Variants in RIC1 observed in about 807,000 individuals in gnomAD.
The protein encoded by RIC1 is RIC1 partner of RAB6A GEF complex.
Under a neutral mutation model 169.0 loss-of-function variants are expected in RIC1, and 88 were observed. The observed-to-expected ratio is 0.52, with a 90% CI of 0.44 to 0.62. The LOEUF is 0.62. Among genes scored for constraint, RIC1 ranks in the 20% least tolerant of loss-of-function variants. The pLI is 0.00. For missense variants in RIC1, 1,877 were observed against 1,725.5 expected, an observed-to-expected ratio of 1.09 and a Z score of -1.56; for synonymous variants, 790 against 601.5, an observed-to-expected ratio of 1.31 and a Z score of -4.59.
At chr9:5,672,093 G>T (rs1416026688) in intron 2 of RIC1, among the ~76,000 whole-genome samples, 2 of 152,210 alleles carry the variant, frequency 1.3e-5, no homozygotes, top group Non-Finnish European at 2.9e-5. Flanking sequence ...CAGAGACAGT[G>T]CCTGAGAGGA....
At chr9:5,753,426 T>C (rs141134219) in intron 13 of RIC1, 110 bp from the exon 14 acceptor site, 2 of 819,050 alleles carry the variant, frequency 2.4e-6, no homozygotes, top group African/African-American at 1.7e-5. Flanking sequence ...AAATATTTAA[T>C]TAGCAAACAT....
intron 25 of RIC1, 183 bp downstream of exon 25, chr9:5,773,263 G>A (rs1827354362): frequency 4.3e-6 from 1 of 232,952 alleles, no homozygotes; most frequent in African/African-American, 2.3e-5. Flanking sequence ...CTATTTAAAT[G>A]GATAATTCCA....
At chr9:5,765,239 C>CT in intron 19 of RIC1, 175 bp from the exon 20 acceptor site, 1 of 616,632 alleles carries the variant, frequency 1.6e-6, no homozygotes, top group East Asian at 2.8e-5. Context: ...TTACATACAC[C>CT]AGAAGAGTAC....
chr9:5,681,982 CCT>C (rs1820873452), intron 2 of RIC1, among the ~76,000 whole-genome samples: 1 of 152,044 alleles, frequency 6.6e-6, no homozygotes, highest in East Asian at 1.9e-4. Flanking sequence ...GATTGCAACC[CCT>C]GCCTTTTTTT....
chr9:5,630,487 T>A (rs1252736548), intron 1 of RIC1, among the ~76,000 whole-genome samples: 1 of 152,216 alleles, frequency 6.6e-6, no homozygotes, highest in Non-Finnish European at 1.5e-5. Flanking sequence ...CCCAAATCTT[T>A]GTGTGTTGCT....
Position 5,757,226 on chromosome 9 carries a change from T to A in RIC1, c.1854-87T>A, listed in dbSNP as rs989911828. On this transcript the variant is annotated intron_variant, in intron 16 of 25. Coordinates refer to ENST00000414202, the MANE Select transcript of RIC1 (RefSeq NM_020829.4). The stretch of plus-strand genomic sequence containing the variant: ...AAGACATCTGAGTCTTCCATAAGCA[T>A]GAAATCTAATACTATTACTAGTGGA... 4.2e-6 allele frequency: 6 copies of A among 1,438,012 alleles called. No homozygotes were observed. The Admixed American group carries it at 5.2e-5, about 13-fold the overall frequency. The allele number at this position is 1,438,012 out of a possible 1,614,324, so 89.1% of individuals were successfully genotyped here. A position where few individuals can be genotyped will look rare whatever the true frequency, so the allele number is the denominator to read the frequency against.
At chr9:5,748,430 G>T (rs1416521721) in intron 12 of RIC1, among the ~76,000 whole-genome samples, 1 of 152,126 alleles carries the variant, frequency 6.6e-6, no homozygotes, top group African/African-American at 2.4e-5. Context: ...TTGACATCTG[G>T]TATACACTAA....
intron 1 of RIC1, among the ~76,000 whole-genome samples, chr9:5,645,645 A>G (rs1258729716): frequency 2.0e-5 from 3 of 152,204 alleles, no homozygotes; most frequent in Non-Finnish European, 4.4e-5. Context: ...AAGTGGAACC[A>G]CACACTATTT....
intron 2 of RIC1, among the ~76,000 whole-genome samples, chr9:5,679,702 C>G (rs182224527): frequency 0.015 from 2,251 of 152,324 alleles, 23 homozygotes; most frequent in Middle Eastern, 0.031. Context: ...TATCCTGAGA[C>G]TTTGCTGAAG....
chr9:5,662,348 A>G (rs1279753407), intron 2 of RIC1, among the ~76,000 whole-genome samples: 1 of 152,180 alleles, frequency 6.6e-6, no homozygotes, highest in Admixed American at 6.5e-5. Flanking sequence ...GCCTCATAGA[A>G]TGAATTAAGG....
chr9:5,652,653 A>T (rs1194775068), intron 1 of RIC1, among the ~76,000 whole-genome samples: 2 of 151,428 alleles, frequency 1.3e-5, no homozygotes, highest in African/African-American at 4.8e-5. Flanking sequence ...AATAGTGTTA[A>T]TTTGACTTCT....
rs112056923 is a variant in RIC1, at chr9:5,671,949, T to C, written c.252+15259T>C. On this transcript the variant is annotated intron_variant, in intron 2 of 25. Transcript: ENST00000414202. ...TCCCTTCAGAAAAGGGAGGACTGTG[T>C]CTGCTCCTGGAAGTGGACATTAGCA... Among the ~76,000 whole-genome samples, 193 of 152,304 alleles carry C rather than the reference T, an allele frequency of 1.3e-3. 2 individuals carry two copies. Among genetic ancestry groups the C allele is most frequent in the African/African-American group, 4.5e-3 (185 of 41,556 alleles).
chr9:5,683,089 C>T (rs1039136242), intron 2 of RIC1, among the ~76,000 whole-genome samples: 4 of 152,202 alleles, frequency 2.6e-5, no homozygotes, highest in East Asian at 1.9e-4. Flanking sequence ...AGGTTTTTAA[C>T]TTCTTTGCCA....
At chr9:5,719,892 T>G (rs970978652) in intron 4 of RIC1, among the ~76,000 whole-genome samples, 2 of 152,230 alleles carry the variant, frequency 1.3e-5, no homozygotes, top group African/African-American at 2.4e-5. Flanking sequence ...TCTTTCTTTC[T>G]GCTATCACTT....
chr9:5,642,619 T>TC (rs1179777504), intron 1 of RIC1, among the ~76,000 whole-genome samples: 1 of 144,862 alleles, frequency 6.9e-6, no homozygotes, highest in Non-Finnish European at 1.5e-5. Context: ...ACAAAATTCT[T>TC]CCCACTTTTT....
Position 5,770,031 on chromosome 9 carries a change from A to G in RIC1, c.3425-56A>G, listed in dbSNP as rs182073843. On this transcript the variant is annotated intron_variant, in intron 22 of 25. Transcript: ENST00000414202. ...CTAAAAGAGCTGAATTGAAAATGTCAGTGTGTGCATCTTCAATTTCTTCCT... is the reference window on the plus strand; with the variant it reads ...CTAAAAGAGCTGAATTGAAAATGTCGGTGTGTGCATCTTCAATTTCTTCCT... 7 of 1,426,962 alleles carry G rather than the reference A, an allele frequency of 4.9e-6. 1 individual carries two copies. Among genetic ancestry groups the G allele is most frequent in the East Asian group, 2.4e-5 (1 of 41,236 alleles). 88.4% of individuals were successfully genotyped at this position (1,426,962 alleles called of 1,614,324 possible).
At chr9:5,651,846 G>A (rs1207142309) in intron 1 of RIC1, among the ~76,000 whole-genome samples, 5 of 152,108 alleles carry the variant, frequency 3.3e-5, no homozygotes, top group African/African-American at 4.8e-5. Flanking sequence ...GGGATTACAG[G>A]CATGAGCCAC....
chr9:5,775,284 T>C lies in RIC1; in HGVS notation c.*1038T>C, dbSNP rs1373773161. ...TATTACCACGGCTACTAAAAATTAGTGTGTAAAGAATGCATTCTTCATTGT... is the reference window on the plus strand; with the variant it reads ...TATTACCACGGCTACTAAAAATTAGCGTGTAAAGAATGCATTCTTCATTGT... On this transcript the variant is annotated 3_prime_UTR_variant, in exon 26 of 26. Transcript: ENST00000414202. 6.6e-6 allele frequency: 1 copy of C among 152,196 alleles called. No homozygotes were observed. Among genetic ancestry groups the C allele is most frequent in the Non-Finnish European group, 1.5e-5 (1 of 68,036 alleles). The allele number at this position is 152,196 out of a possible 1,614,324, so 9.4% of individuals were successfully genotyped here.
chr9:5,745,031 G>C (rs1256929805), intron 10 of RIC1, among the ~76,000 whole-genome samples: 1 of 152,136 alleles, frequency 6.6e-6, no homozygotes, highest in Non-Finnish European at 1.5e-5. Flanking sequence ...GACCCCTTCT[G>C]ATGTCTTTGC....
Sources: gnomAD v4.1 joint callset for allele counts (sites outside exome capture counted in the v4.1 genomes callset) on GRCh38, gnomAD v4.1.1 for gene constraint, MANE v1.5 for transcripts, NCBI Gene and HGNC (gene_info 2026-07-23, HGNC 2026-07-21) for gene names.